The following DPP6 variants were observed in gnomAD, a reference collection of about 807,000 sequenced individuals.
DPP6 encodes A-type potassium channel modulatory protein DPP6.
DPP6 carries 69 observed loss-of-function variants against 122.6 expected under a neutral mutation model. The observed-to-expected ratio is 0.56, with a 90% confidence interval of 0.46 to 0.69. DPP6 has a LOEUF of 0.69. DPP6 is among the 30% of genes least tolerant of loss of function. The pLI is 0.00. For synonymous variants in DPP6, 418 were observed against 433.1 expected (o/e 0.97, Z 0.43); for missense variants, 928 against 1,116.9 (o/e 0.83, Z 2.41).
chr7:154,575,572 A>ATG (rs1332162900), intron 5 of DPP6, among the ~76,000 whole-genome samples: 12 of 45,148 alleles, frequency 2.7e-4, no homozygotes, highest in African/African-American at 1.5e-3. Context: ...TGTGTGGTAT[A>ATG]TGTGTATGTG....
chr7:153,966,879 C>A (rs2129031467), intron 1 of DPP6, among the ~76,000 whole-genome samples: 1 of 151,392 alleles, frequency 6.6e-6, no homozygotes, highest in Middle Eastern at 3.4e-3. Context: ...CCAGCCTGAG[C>A]AACATGGAAA....
chr7:154,794,332 G>A (rs1472963585), intron 11 of DPP6, 130 bp downstream of exon 11: 18 of 1,363,952 alleles, frequency 1.3e-5, no homozygotes, highest in Non-Finnish European at 1.7e-5. Flanking sequence ...CTGCTGCGGG[G>A]AGCCCGCGGC....
chr7:154,459,974 C>CTTTTTTTTTTTTTTTTTTTTTTT (rs71184004), intron 2 of DPP6, among the ~76,000 whole-genome samples: 1 of 58,592 alleles, frequency 1.7e-5, no homozygotes, highest in Admixed American at 2.9e-4. Context: ...TATTCATGTG[C>CTTTTTTTTTTTTTTTTTTTTTTT]TTTTTTTTTT....
At chr7:154,284,856 A>G (rs1341160217) in intron 1 of DPP6, among the ~76,000 whole-genome samples, 1 of 152,068 alleles carries the variant, frequency 6.6e-6, no homozygotes, top group Non-Finnish European at 1.5e-5. Context: ...CTTCATCTCA[A>G]AACAAAACAA....
chr7:154,876,526 G>A (rs553761570), intron 20 of DPP6: 21 of 157,368 alleles, frequency 1.3e-4, no homozygotes, highest in African/African-American at 2.6e-4. Flanking sequence ...GGTCACCCTC[G>A]TTACTGAGAG....
chr7:154,856,671 T>C (rs1031100075), intron 17 of DPP6, among the ~76,000 whole-genome samples: 2 of 152,192 alleles, frequency 1.3e-5, no homozygotes, highest in African/African-American at 4.8e-5. Context: ...CATTAACCAA[T>C]CAATCCAATC....
At chr7:154,155,063 A>T (rs1294741826) in intron 1 of DPP6, among the ~76,000 whole-genome samples, 4 of 152,112 alleles carry the variant, frequency 2.6e-5, no homozygotes, top group African/African-American at 9.7e-5. Context: ...TTGGTTTTCC[A>T]TAGGCAGGGC....
intron 1 of DPP6, among the ~76,000 whole-genome samples, chr7:154,100,137 A>G (rs1805627564): frequency 8.9e-6 from 1 of 111,904 alleles, no homozygotes. Flanking sequence ...AGTTCACAGA[A>G]AAGGTTTCGA....
In DPP6 at chr7:154,793,492, C is replaced by A. The variant is rs1378611017; in HGVS notation, c.1137-587C>A. On this transcript the variant is annotated intron_variant, in intron 10 of 25. Transcript: ENST00000377770. Reference sequence around the variant, plus strand: ...GCGCATGACCCTTAAGATATCAAACCAAGTTCGCCTGAAGCCCAGAGCCAT... The same window carrying A: ...GCGCATGACCCTTAAGATATCAAACAAAGTTCGCCTGAAGCCCAGAGCCAT... 3 of 152,296 alleles carry A rather than the reference C, an allele frequency of 2.0e-5. No individual in the cohort carries two copies. In the East Asian group the frequency reaches 5.8e-4, roughly 29 times the overall value. The allele number at this position is 152,296 out of a possible 1,614,324, so 9.4% of individuals were successfully genotyped here.
chr7:154,338,914 C>A (rs1218021520), intron 1 of DPP6, among the ~76,000 whole-genome samples: 1 of 152,216 alleles, frequency 6.6e-6, no homozygotes, highest in Non-Finnish European at 1.5e-5. Context: ...TCTGCGCGTT[C>A]ATCCGTTTCT....
At chr7:154,650,493 G>A (rs144178882) in intron 6 of DPP6, among the ~76,000 whole-genome samples, 2,960 of 152,264 alleles carry the variant, frequency 0.019, 90 homozygotes, top group African/African-American at 0.067. Flanking sequence ...CCTAACTTCC[G>A]ACATTGGGGT....
chr7:154,205,249 G>C (rs992320045), intron 1 of DPP6, among the ~76,000 whole-genome samples: 1 of 151,988 alleles, frequency 6.6e-6, no homozygotes, highest in African/African-American at 2.4e-5. Flanking sequence ...TCCTCCAGTG[G>C]TAACACCCAG....
chr7:154,871,621 G>A (rs542107399), intron 18 of DPP6, among the ~76,000 whole-genome samples: 9 of 152,198 alleles, frequency 5.9e-5, no homozygotes, highest in Non-Finnish European at 8.8e-5. Flanking sequence ...CATGTTTTAT[G>A]GAATTTAAAT....
At chr7:154,141,743 C>G (rs186831410) in intron 1 of DPP6, among the ~76,000 whole-genome samples, 34 of 152,278 alleles carry the variant, frequency 2.2e-4, no homozygotes, top group African/African-American at 8.2e-4. Flanking sequence ...TGTTGGAGCT[C>G]ATTTCAAGTA....
chr7:153,903,334 C>T (rs1454238900), intron 1 of DPP6, among the ~76,000 whole-genome samples: 2 of 152,294 alleles, frequency 1.3e-5, no homozygotes, highest in East Asian at 3.9e-4. Context: ...CACTCAGAAG[C>T]CTTTCTTCCA....
At chr7:154,583,173 T>C (rs145245570) in intron 5 of DPP6, among the ~76,000 whole-genome samples, 3 of 152,342 alleles carry the variant, frequency 2.0e-5, no homozygotes, top group Admixed American at 2.0e-4. Context: ...TGGGCTGCCA[T>C]GGCAAAATAC....
intron 1 of DPP6, among the ~76,000 whole-genome samples, chr7:154,136,463 C>T (rs1385281689): frequency 1.3e-5 from 2 of 152,178 alleles, no homozygotes; most frequent in African/African-American, 2.4e-5. Flanking sequence ...ACCACAGAAT[C>T]TTTATTCCAG....
chr7:154,471,207 C>A (rs553198301), intron 2 of DPP6, among the ~76,000 whole-genome samples: 5 of 152,050 alleles, frequency 3.3e-5, no homozygotes, highest in Admixed American at 3.3e-4. Flanking sequence ...GCCAAGATTG[C>A]GCCACCACAC....
chr7:154,884,693 GATCACACAGGCACACA>G (rs1299129874), intron 21 of DPP6: 5 of 69,418 alleles, frequency 7.2e-5, no homozygotes, highest in African/African-American at 3.2e-4. Flanking sequence ...AAGCACACAT[GATCACACAGGCACACA>G]TGATCACACA....
Sources: allele counts gnomAD v4.1 joint callset (sites outside exome capture counted in the v4.1 genomes callset), GRCh38; gene constraint gnomAD v4.1.1; transcripts MANE v1.5; gene names NCBI Gene and HGNC (gene_info 2026-07-23, HGNC 2026-07-21).